The following KPNA3 variants were observed in gnomAD, a reference collection of about 807,000 sequenced individuals.
KPNA3 encodes the protein importin subunit alpha-4.
A neutral mutation model predicts 73.8 loss-of-function variants in KPNA3; 13 were observed. That is an observed-to-expected ratio of 0.18 (90% CI 0.11 to 0.28). The LOEUF is 0.28. KPNA3 is among the 10% of genes least tolerant of loss of function. The pLI, the probability that KPNA3 is intolerant of heterozygous loss-of-function variation, is 1.00. For synonymous variants in KPNA3, 186 were observed against 206.9 expected (o/e 0.90, Z 0.87); for missense variants, 360 against 618.1 (o/e 0.58, Z 4.43).
intron 15 of KPNA3, among the ~76,000 whole-genome samples, chr13:49,703,885 T>G (rs1954175603): frequency 6.6e-6 from 1 of 152,212 alleles, no homozygotes; most frequent in Non-Finnish European, 1.5e-5. Context: ...CCAAAGTGCT[T>G]TATACAATTA....
intron 6 of KPNA3, among the ~76,000 whole-genome samples, chr13:49,728,317 G>C (rs1176938658): frequency 6.6e-6 from 1 of 151,516 alleles, no homozygotes; most frequent in Admixed American, 6.6e-5. Flanking sequence ...CTGAGGAAAA[G>C]ATTAATCTTG....
At chr13:49,722,250 AGT>A in intron 8 of KPNA3, 126 bp from the exon 9 acceptor site, 2 of 743,658 alleles carry the variant, frequency 2.7e-6, no homozygotes, top group South Asian at 5.0e-5. Context: ...AAAGGCATCA[AGT>A]GTTGTTTCTC....
At chr13:49,747,850 T>C (rs1314539780) in intron 1 of KPNA3, among the ~76,000 whole-genome samples, 1 of 152,202 alleles carries the variant, frequency 6.6e-6, no homozygotes, top group Non-Finnish European at 1.5e-5. Flanking sequence ...CCCATTTCCC[T>C]GCCCTAACTG....
chr13:49,722,256 G>T, intron 8 of KPNA3, 132 bp from the exon 9 acceptor site: 4 of 723,120 alleles, frequency 5.5e-6, no homozygotes, highest in Non-Finnish European at 8.7e-6. Context: ...ATCAAGTGTT[G>T]TTTCTCCAGA....
At chr13:49,703,026 A>G (rs948998585) in intron 15 of KPNA3, among the ~76,000 whole-genome samples, 3 of 150,104 alleles carry the variant, frequency 2.0e-5, no homozygotes, top group Non-Finnish European at 4.4e-5. Context: ...CCGCCACCAC[A>G]CCCGGCTAAG....
intron 12 of KPNA3, among the ~76,000 whole-genome samples, chr13:49,707,636 T>C (rs1348063830): frequency 6.6e-6 from 1 of 152,080 alleles, no homozygotes; most frequent in Admixed American, 6.6e-5. Context: ...CTTTCTCTGC[T>C]GACTTCTGCC....
intron 2 of KPNA3, among the ~76,000 whole-genome samples, chr13:49,733,294 T>TTTG (rs1051241700): frequency 2.7e-5 from 4 of 146,890 alleles, no homozygotes; most frequent in African/African-American, 1.0e-4. Flanking sequence ...TTTTTTTTTT[T>TTTG]TTTTTTTTTG....
rs548383009 is a variant in KPNA3 at position 49,741,579 on chromosome 13, G to C, written c.114+5370C>G. 2.0e-5 allele frequency among the ~76,000 whole-genome samples: 3 copies of C among 151,490 alleles called. No individual in the cohort carries two copies. The East Asian group carries it at 5.8e-4, about 30-fold the overall frequency. On this transcript the variant is annotated intron_variant, in intron 2 of 16. Transcript: ENST00000261667. ...CGCCATTCTCCTGCCTCAGCCTCCC[G>C]AGTAGCTGGGACTACAGGCAAATGC...
intron 15 of KPNA3, among the ~76,000 whole-genome samples, chr13:49,705,373 A>C (rs2137530993): frequency 6.6e-6 from 1 of 152,164 alleles, no homozygotes; most frequent in East Asian, 1.9e-4. Flanking sequence ...AAAAAAAAAA[A>C]AAGCTATGTT....
chr13:49,722,377 C>T lies in KPNA3; in HGVS notation c.556+100G>A, dbSNP rs1954367737. On this transcript the variant is annotated intron_variant, in intron 8 of 16. Transcript: ENST00000261667. ...ACTTATGAGGCAAGAAGAGAGTCAACACACATTAAATTCAGAGGAAACATA... is the reference window on the plus strand; with the variant it reads ...ACTTATGAGGCAAGAAGAGAGTCAATACACATTAAATTCAGAGGAAACATA... 4 of 784,976 alleles carry T rather than the reference C, an allele frequency of 5.1e-6. No homozygotes were observed. The East Asian group carries it at 7.6e-5, about 15-fold the overall frequency. The allele number at this position is 784,976 out of a possible 1,614,324, so 48.6% of individuals were successfully genotyped here.
Position 49,722,072 on chromosome 13 carries a change from A to C in KPNA3, c.609T>G (p.Pro203=). 1 of 1,610,714 alleles carries C rather than the reference A, an allele frequency of 6.2e-7. No homozygotes were observed. Among genetic ancestry groups the C allele is most frequent in the Non-Finnish European group, 8.5e-7 (1 of 1,178,130 alleles). ...TGGAGGGACTGATGAAGGACAGAAG[A>C]GGTTTGACAACTCCCAGTGATATGA... ...DYVISLGVVK[P]LLSFISPSIP... is the part of the protein sequence containing the mutation. The change falls in exon 9 of 17, where the codon CCT becomes CCG. Residue 203 remains proline, a synonymous_variant. Coordinates refer to ENST00000261667, the MANE Select transcript of KPNA3 (RefSeq NM_002267.4).
chr13:49,775,242 C>T (rs984257767), intron 1 of KPNA3, among the ~76,000 whole-genome samples: 2 of 145,366 alleles, frequency 1.4e-5, no homozygotes, highest in Non-Finnish European at 3.0e-5. Context: ...AAGCAATATA[C>T]TAAAGAATTT....
intron 2 of KPNA3, among the ~76,000 whole-genome samples, chr13:49,744,418 T>A (rs1400012582): frequency 6.6e-6 from 1 of 152,244 alleles, no homozygotes; most frequent in South Asian, 2.1e-4. Context: ...CTTATGTTAA[T>A]GTTTATTATG....
At chr13:49,768,173 G>A (rs1384399954) in intron 1 of KPNA3, among the ~76,000 whole-genome samples, 2 of 151,762 alleles carry the variant, frequency 1.3e-5, no homozygotes, top group African/African-American at 4.8e-5. Context: ...CAGCTACTCA[G>A]GAGGGTGAGG....
intron 1 of KPNA3, among the ~76,000 whole-genome samples, chr13:49,752,704 GA>G (rs1192198844): frequency 6.6e-6 from 1 of 151,938 alleles, no homozygotes; most frequent in Non-Finnish European, 1.5e-5. Flanking sequence ...AATATGTAAA[GA>G]AAAAAACTGT....
At chr13:49,726,488 T>G (rs536367165) in intron 6 of KPNA3, among the ~76,000 whole-genome samples, 1 of 152,238 alleles carries the variant, frequency 6.6e-6, no homozygotes, top group African/African-American at 2.4e-5. Flanking sequence ...AAGAAGCAAG[T>G]AACAGGGTGT....
intron 2 of KPNA3, 64 bp downstream of exon 2, chr13:49,746,885 G>C (rs962911325): frequency 2.9e-5 from 35 of 1,208,278 alleles, no homozygotes; most frequent in African/African-American, 4.5e-5. Context: ...CATTATTCAA[G>C]ATACACAGAA....
chr13:49,745,935 C>T (rs1387412513), intron 2 of KPNA3, among the ~76,000 whole-genome samples: 5 of 151,226 alleles, frequency 3.3e-5, no homozygotes, highest in Admixed American at 2.0e-4. Context: ...AGGTGGTGGA[C>T]GCCTGTAGTC....
At chr13:49,785,346 A>G (rs576483724) in intron 1 of KPNA3, among the ~76,000 whole-genome samples, 7 of 152,362 alleles carry the variant, frequency 4.6e-5, no homozygotes, top group South Asian at 4.1e-4. Context: ...TTCGAGCTAC[A>G]TAACTGGCAT....
Sources: allele counts gnomAD v4.1 joint callset (sites outside exome capture counted in the v4.1 genomes callset), GRCh38; gene constraint gnomAD v4.1.1; transcripts MANE v1.5; gene names NCBI Gene and HGNC (gene_info 2026-07-23, HGNC 2026-07-21).